HDAC9: variants seen among roughly 807,000 people sequenced by gnomAD.
HDAC9 encodes MEF-2 interacting transcription repressor (MITR) protein.
In HDAC9, 41 loss-of-function variants were observed where a neutral mutation model predicts 139.4. That is an observed-to-expected ratio of 0.29 (90% CI 0.23 to 0.38). HDAC9 has a LOEUF of 0.38. Ranked by LOEUF, HDAC9 falls within the 10% of genes least tolerant of loss-of-function variation. The pLI is 1.00. For synonymous variants in HDAC9, 517 were observed against 476.2 expected, an observed-to-expected ratio of 1.09 and a Z score of -1.12; for missense variants, 1,147 against 1,297.0, an observed-to-expected ratio of 0.88 and a Z score of 1.78.
intron 24 of HDAC9, among the ~76,000 whole-genome samples, chr7:18,961,998 G>C (rs1478190284): frequency 6.6e-6 from 1 of 152,140 alleles, no homozygotes; most frequent in East Asian, 1.9e-4. Context: ...TAGGAATTTG[G>C]GAAGTTCTGG....
At chr7:18,179,711 C>G (rs1789237229) in intron 2 of HDAC9, among the ~76,000 whole-genome samples, 1 of 152,076 alleles carries the variant, frequency 6.6e-6, no homozygotes. Flanking sequence ...TAGTAAAAGC[C>G]CAAGGACTTA....
At chr7:18,663,469 C>A (rs1376175405) in intron 11 of HDAC9, among the ~76,000 whole-genome samples, 1 of 152,054 alleles carries the variant, frequency 6.6e-6, no homozygotes, top group Non-Finnish European at 1.5e-5. Context: ...CCTCACCCCC[C>A]AGTAAGCAGG....
intron 13 of HDAC9, among the ~76,000 whole-genome samples, chr7:18,739,520 C>T (rs989140403): frequency 6.6e-6 from 1 of 152,146 alleles, no homozygotes; most frequent in African/African-American, 2.4e-5. Flanking sequence ...CCATCAGGTC[C>T]CTCAGCTACA....
At chr7:18,683,544 A>T (rs1782040607) in intron 12 of HDAC9, among the ~76,000 whole-genome samples, 1 of 152,094 alleles carries the variant, frequency 6.6e-6, no homozygotes, top group Non-Finnish European at 1.5e-5. Flanking sequence ...TCCCTACACT[A>T]CAGTTTCATG....
At chr7:18,259,284 G>A (rs933357349) in intron 2 of HDAC9, among the ~76,000 whole-genome samples, 1 of 151,862 alleles carries the variant, frequency 6.6e-6, no homozygotes, top group Non-Finnish European at 1.5e-5. Context: ...ATTAAATTTT[G>A]CCAAAATAAA....
At chr7:18,555,181 C>T (rs1191022049) in intron 2 of HDAC9, among the ~76,000 whole-genome samples, 1 of 152,144 alleles carries the variant, frequency 6.6e-6, no homozygotes, top group Non-Finnish European at 1.5e-5. Flanking sequence ...TAATTTGGTA[C>T]AATGCTTTTG....
chr7:18,809,815 T>G (rs1794032452), intron 17 of HDAC9, among the ~76,000 whole-genome samples: 1 of 151,932 alleles, frequency 6.6e-6, no homozygotes, highest in Non-Finnish European at 1.5e-5. Context: ...GTATGGAATT[T>G]CCACAAAATA....
intron 1 of HDAC9, among the ~76,000 whole-genome samples, chr7:18,411,817 C>CT (rs71014326): frequency 0.67 from 59,668 of 88,624 alleles, 21,096 homozygotes; most frequent in Non-Finnish European, 0.75. Context: ...TTTCAACTTG[C>CT]TTTTTTTTTT....
At chr7:18,568,786 A>C (rs1024594024) in intron 2 of HDAC9, among the ~76,000 whole-genome samples, 2 of 152,124 alleles carry the variant, frequency 1.3e-5, no homozygotes, top group Non-Finnish European at 2.9e-5. Context: ...AGTGGCTCAC[A>C]CCTGTAATCC....
chr7:18,206,643 A>G (rs1402035913), intron 2 of HDAC9, among the ~76,000 whole-genome samples: 2 of 152,204 alleles, frequency 1.3e-5, no homozygotes, highest in East Asian at 1.9e-4. Flanking sequence ...AAATTAAAGA[A>G]TAATAAGTTT....
intron 6 of HDAC9, among the ~76,000 whole-genome samples, chr7:18,626,401 C>T (rs189659080): frequency 6.6e-6 from 1 of 152,274 alleles, no homozygotes; most frequent in Non-Finnish European, 1.5e-5. Context: ...AGGATTCAGC[C>T]CCCATGGGCT....
At chr7:18,316,425 T>C (rs1035897002) in intron 1 of HDAC9, among the ~76,000 whole-genome samples, 12 of 152,106 alleles carry the variant, frequency 7.9e-5, no homozygotes, top group Admixed American at 2.6e-4. Flanking sequence ...TGGGAAATAA[T>C]GCATTCTATA....
At chr7:18,815,211 T>A (rs1337337385) in intron 17 of HDAC9, among the ~76,000 whole-genome samples, 2 of 152,176 alleles carry the variant, frequency 1.3e-5, no homozygotes, top group African/African-American at 2.4e-5. Flanking sequence ...CTAATTTATT[T>A]TTTTTTTGAA....
intron 22 of HDAC9, among the ~76,000 whole-genome samples, chr7:18,932,767 G>T (rs1804860310): frequency 1.3e-5 from 2 of 150,712 alleles, no homozygotes; most frequent in Non-Finnish European, 3.0e-5. Context: ...TTCAGAGAAA[G>T]AGAGAGAAAG....
chr7:18,832,645 A>C (rs1055508753), intron 19 of HDAC9, among the ~76,000 whole-genome samples: 1 of 152,200 alleles, frequency 6.6e-6, no homozygotes, highest in African/African-American at 2.4e-5. Context: ...ATGTGTTGCC[A>C]TGAAGAAACA....
At chr7:18,943,331 C>T (rs1238052751) in intron 23 of HDAC9, among the ~76,000 whole-genome samples, 1 of 152,068 alleles carries the variant, frequency 6.6e-6, no homozygotes, top group Non-Finnish European at 1.5e-5. Context: ...TACAAACTTA[C>T]CTTAATGATT....
intron 6 of HDAC9, among the ~76,000 whole-genome samples, chr7:18,610,570 C>G (rs1281061069): frequency 6.6e-6 from 1 of 152,188 alleles, no homozygotes; most frequent in Non-Finnish European, 1.5e-5. Context: ...GTTTACCTCT[C>G]AAATAACCTG....
chr7:18,839,757 T>C (rs373518799), intron 21 of HDAC9, among the ~76,000 whole-genome samples: 1 of 152,096 alleles, frequency 6.6e-6, no homozygotes, highest in Non-Finnish European at 1.5e-5. Context: ...TGCTAAGGAA[T>C]CTCTGTTTCA....
intron 2 of HDAC9, among the ~76,000 whole-genome samples, chr7:18,511,700 C>T (rs535542837): frequency 1.4e-4 from 21 of 152,284 alleles, no homozygotes; most frequent in African/African-American, 5.1e-4. Context: ...AGTCAGCTTC[C>T]TTGGGCACTC....
Sources: gnomAD v4.1 joint callset for allele counts (sites outside exome capture counted in the v4.1 genomes callset) on GRCh38, gnomAD v4.1.1 for gene constraint, MANE v1.5 for transcripts, NCBI Gene and HGNC (gene_info 2026-07-23, HGNC 2026-07-21) for gene names.